The following CROCC variants were observed in gnomAD, a reference collection of about 807,000 sequenced individuals.
CROCC encodes ciliary rootlet coiled-coil, rootletin.
In CROCC, 180 loss-of-function variants were observed where a neutral mutation model predicts 245.2. The ratio of observed to expected loss-of-function variants is 0.73; its 90% CI spans 0.65 to 0.83. The LOEUF is 0.83. Among genes scored for constraint, CROCC ranks in the 40% least tolerant of loss-of-function variants. The pLI, the probability that CROCC is intolerant of heterozygous loss-of-function variation, is 0.00. For missense variants in CROCC, 2,688 were observed against 2,779.4 expected (o/e 0.97, Z 0.74); for synonymous variants, 1,205 against 1,241.6 (o/e 0.97, Z 0.62).
chr1:16,954,510 A>C lies in CROCC; in HGVS notation c.3321+153A>C. 1.6e-6 allele frequency: 2 copies of C among 1,225,826 alleles called. No individual in the cohort carries two copies. Among genetic ancestry groups the C allele is most frequent in the Non-Finnish European group, 2.2e-6 (2 of 896,710 alleles). 75.9% of individuals were successfully genotyped at this position (1,225,826 alleles called of 1,614,324 possible). ...CCCTTCTTTTGGGAGCCCCCATCTG[A>C]GGGAGGTGGCTCAGCCCTGCCCTGA... is the stretch of plus-strand genomic sequence containing the variant. On this transcript the variant is annotated intron_variant, in intron 22 of 36. Coordinates refer to ENST00000375541, the MANE Select transcript of CROCC (RefSeq NM_014675.5). This position sits in a 1 kb window ranked among gnomAD's most constrained non-coding sequence, Gnocchi z 4.4.
At chr1:16,934,808 ATTTTTTC>A (rs1238001946) in intron 8 of CROCC, among the ~76,000 whole-genome samples, 4 of 132,632 alleles carry the variant, frequency 3.0e-5, no homozygotes, top group East Asian at 2.2e-4. Context: ...ATATATACAG[ATTTTTTC>A]TTTTTTCTTT....
upstream of CROCC, among the ~76,000 whole-genome samples, chr1:16,921,131 T>C (rs2075395005): frequency 6.6e-6 from 1 of 152,296 alleles, no homozygotes; most frequent in Non-Finnish European, 1.5e-5. Context: ...TGTCATGTGC[T>C]GGGTATGCAC....
chr1:16,955,563 A>T lies in CROCC; in HGVS notation c.3704+13A>T. 1 of 1,513,264 alleles carries T rather than the reference A, an allele frequency of 6.6e-7. No homozygotes were observed. The highest frequency in any genetic ancestry group is 8.8e-7 in the Non-Finnish European group (1 of 1,134,884). 93.7% of individuals were successfully genotyped at this position (1,513,264 alleles called of 1,614,324 possible). A position where few individuals can be genotyped will look rare whatever the true frequency, so the allele number is the denominator to read the frequency against. On this transcript the variant is annotated intron_variant, in intron 24 of 36. Transcript: ENST00000375541. Reference sequence around the variant, plus strand: ...GCGAGCGCATCAGGTGGGGTGTCGCAGGAGGACCAGTCCTGAGTCCTCATG... The same window carrying T: ...GCGAGCGCATCAGGTGGGGTGTCGCTGGAGGACCAGTCCTGAGTCCTCATG...
At chr1:16,941,693 C>A (rs1294993106) in intron 13 of CROCC, among the ~76,000 whole-genome samples, 1 of 151,424 alleles carries the variant, frequency 6.6e-6, no homozygotes, top group East Asian at 1.9e-4. Flanking sequence ...GATGGCGCCA[C>A]TGCACTCCAG....
At position 16,930,466 on chromosome 1, in the gene CROCC, G is replaced by C. The variant is rs1462094088; in HGVS notation, c.721G>C (p.Glu241Gln). Reference sequence around the variant, plus strand: ...GGCCCAGGTGAATGCCATGCTCCGAGAACAGCTGGACCAGGCAGGCTCGGC... The same window carrying C: ...GGCCCAGGTGAATGCCATGCTCCGACAACAGCTGGACCAGGCAGGCTCGGC... ...SLAQVNAMLREQLDQAGSANQ... is the reference protein window; with the variant it reads ...SLAQVNAMLRQQLDQAGSANQ... The change falls in exon 7 of 37, where the codon GAA becomes CAA. Residue 241 changes from glutamate to glutamine, a missense_variant. Physicochemically the swap from Glu to Gln is conservative, Grantham distance 29. This residue lies in a region of CROCC where 972 missense variants were observed against 895.3 expected (regional missense o/e 1.09). Transcript: ENST00000375541. The C allele has an allele frequency of 1.9e-6, 3 of 1,612,268 alleles. No homozygotes were observed.
chr1:16,935,343 G>A (rs1203248665), intron 8 of CROCC, among the ~76,000 whole-genome samples: 1 of 152,270 alleles, frequency 6.6e-6, no homozygotes, highest in African/African-American at 2.4e-5. Flanking sequence ...TCTTGAAGAT[G>A]CTTCCCTAAC....
chr1:16,930,809 G>C (rs538786627), intron 7 of CROCC, among the ~76,000 whole-genome samples: 29 of 152,384 alleles, frequency 1.9e-4, no homozygotes, highest in African/African-American at 7.0e-4. Context: ...CATGATAACT[G>C]CATGTGGTAG....
Position 16,922,732 on chromosome 1 carries a change from A to G in CROCC, c.130A>G (p.Ile44Val). ...GARDLAQDAQITSLPALIREI... is the reference protein window; with the variant it reads ...GARDLAQDAQVTSLPALIREI... ...GCGGGACCTGGCCCAGGACGCTCAG[A>G]TCACCAGCCTGCCTGCCCTTATCAG... Residue 44 changes from isoleucine (I) to valine (V), a missense_variant, in exon 2 of 37, where the codon ATC becomes GTC. Ile to Val is a conservative substitution (Grantham distance 29, BLOSUM62 3). Around this residue, in one of 9 missense-constraint regions of CROCC, gnomAD observed 972 missense variants for 895.3 expected, o/e 1.09. Coordinates refer to ENST00000375541, the MANE Select transcript of CROCC (RefSeq NM_014675.5). The G allele has an allele frequency of 6.2e-7, 1 of 1,613,924 alleles. No individual in the cohort carries two copies. Among genetic ancestry groups the G allele is most frequent in the Non-Finnish European group, 8.5e-7 (1 of 1,180,004 alleles).
chr1:16,922,834 C>A, intron 2 of CROCC, 36 bp downstream of exon 2: 2 of 1,599,418 alleles, frequency 1.3e-6, no homozygotes, highest in Non-Finnish European at 1.7e-6. Context: ...ACAAACACCA[C>A]CCACATTTTA....
In CROCC at chr1:16,966,545, A is replaced by G; in HGVS notation, c.4834A>G (p.Thr1612Ala). The G allele has an allele frequency of 6.7e-7, 1 of 1,495,194 alleles. No individual in the cohort carries two copies. The allele number at this position is 1,495,194 out of a possible 1,614,324, so 92.6% of individuals were successfully genotyped here. Residue 1612 changes from threonine (T) to alanine (A), a missense_variant, in exon 30 of 37, where the codon ACC (threonine) becomes GCC (alanine). Thr to Ala is a moderately conservative substitution (Grantham distance 58, BLOSUM62 0). Transcript: ENST00000375541. This position sits in a 1 kb window ranked among gnomAD's most constrained non-coding sequence, Gnocchi z 4.8. The part of the protein sequence containing the change: ...VATLERSLQA[T>A]ESELRASQEK... ...CACACTGGAGAGGAGCCTGCAGGCC[A>G]CCGAGAGCGAGCTCCGGGCCAGCCA...
At chr1:16,939,826 CAGA>C in intron 12 of CROCC, 65 bp from the exon 13 acceptor site, 5 of 1,557,518 alleles carry the variant, frequency 3.2e-6, no homozygotes, top group Non-Finnish European at 4.4e-6. Flanking sequence ...TCCCTGGAAC[CAGA>C]AGAGAGTAGG....
intron 26 of CROCC, 118 bp from the exon 27 acceptor site, chr1:16,960,640 G>A: frequency 1.6e-6 from 2 of 1,259,216 alleles, no homozygotes; most frequent in Non-Finnish European, 2.0e-6. Context: ...GAGCACTAAA[G>A]GAGAAAGGGT....
At chr1:16,957,978 G>A (rs923069973) in intron 25 of CROCC, among the ~76,000 whole-genome samples, 3 of 137,410 alleles carry the variant, frequency 2.2e-5, no homozygotes, top group Non-Finnish European at 3.2e-5. Flanking sequence ...TGTAGCACAT[G>A]GGGGAGGTAG....
intron 14 of CROCC, among the ~76,000 whole-genome samples, chr1:16,944,811 GCTGCTTA>G (rs2076010270): frequency 1.3e-5 from 2 of 152,264 alleles, no homozygotes; most frequent in East Asian, 3.8e-4. Flanking sequence ...TCACCACTGC[GCTGCTTA>G]CCTCTCAGGG....
At chr1:16,950,600 C>T (rs2076142421) in intron 19 of CROCC, among the ~76,000 whole-genome samples, 1 of 152,202 alleles carries the variant, frequency 6.6e-6, no homozygotes, top group Non-Finnish European at 1.5e-5. Context: ...TAAGGTGATC[C>T]ACCTGCCCCA....
intron 32 of CROCC, 118 bp from the exon 33 acceptor site, chr1:16,969,667 C>T: frequency 1.4e-6 from 2 of 1,422,820 alleles, no homozygotes; most frequent in South Asian, 2.7e-5. Context: ...GTGCACCCCA[C>T]CCTCCAGGTG....
chr1:16,946,563 C>T (rs145650729), intron 16 of CROCC, among the ~76,000 whole-genome samples, 158 bp downstream of exon 16: 5,291 of 151,222 alleles, frequency 0.035, no homozygotes, highest in Middle Eastern at 0.058. Context: ...TGTCTATCCC[C>T]TCTAGGCGTC....
Position 16,960,801 on chromosome 1 carries a change from TCCGGAC to T in CROCC, c.4080_4085del (p.Thr1361_Arg1362del). ...AAGCTGCAGGAACAAGAAGGCGAGT[TCCGGAC>T]CCGCGAGCGACGCCTGCTGGGCTCC... On this transcript the variant is annotated inframe_deletion, in exon 27 of 37. Transcript: ENST00000375541. 4 of 1,534,042 alleles carry T rather than the reference TCCGGAC, an allele frequency of 2.6e-6. No homozygotes were observed. Among genetic ancestry groups the T allele is most frequent in the Non-Finnish European group, 2.6e-6 (3 of 1,147,480 alleles).
intron 3 of CROCC, among the ~76,000 whole-genome samples, chr1:16,929,608 T>G (rs1332597587): frequency 6.6e-6 from 1 of 152,400 alleles, no homozygotes; most frequent in East Asian, 1.9e-4. Context: ...GTGGTTTGGG[T>G]TTGTGGGCTC....
Sources: gnomAD v4.1 joint callset for allele counts (sites outside exome capture counted in the v4.1 genomes callset) on GRCh38, gnomAD v4.1.1 for gene constraint, gnomAD v4.1.1 regional missense constraint, Gnocchi (gnomAD v3.1) non-coding constraint, MANE v1.5 for transcripts, NCBI Gene and HGNC (gene_info 2026-07-23, HGNC 2026-07-21) for gene names.